Variants in CDH4 observed in about 807,000 individuals in gnomAD.
CDH4 encodes the protein cadherin-4.
In CDH4, 33 loss-of-function variants were observed where a neutral mutation model predicts 86.0. The observed-to-expected ratio is 0.38, with a 90% CI of 0.29 to 0.51. The LOEUF (loss-of-function observed/expected upper bound fraction) is 0.51, where lower values mean the gene tolerates loss of function less well. CDH4 is among the 20% of genes least tolerant of loss of function. CDH4 has a pLI of 0.86. For missense variants in CDH4, 1,114 were observed against 1,307.4 expected (o/e 0.85, Z 2.28); for synonymous variants, 555 against 549.4 (o/e 1.01, Z -0.14).
intron 3 of CDH4, among the ~76,000 whole-genome samples, chr20:61,746,846 A>C (rs1169098334): frequency 6.6e-6 from 1 of 152,240 alleles, no homozygotes; most frequent in Admixed American, 6.5e-5. Context: ...GCCAGGTGGC[A>C]TGGGGGCAGG....
intron 4 of CDH4, among the ~76,000 whole-genome samples, chr20:61,831,412 C>T (rs981045843): frequency 6.6e-6 from 1 of 152,220 alleles, no homozygotes; most frequent in African/African-American, 2.4e-5. Flanking sequence ...CCCCAGGCCT[C>T]TGTTAGCAGA....
intron 2 of CDH4, among the ~76,000 whole-genome samples, chr20:61,538,073 C>T (rs1442637248): frequency 6.6e-6 from 1 of 152,188 alleles, no homozygotes; most frequent in East Asian, 1.9e-4. Flanking sequence ...GCCAGGCCCC[C>T]GGCCTGTGAG....
At chr20:61,311,671 C>T (rs921577495) in intron 2 of CDH4, among the ~76,000 whole-genome samples, 1 of 152,204 alleles carries the variant, frequency 6.6e-6, no homozygotes, top group Admixed American at 6.5e-5. Flanking sequence ...CTGGCCAAGA[C>T]CTATGGGTTG....
At chr20:61,282,824 C>T (rs1419339348) in intron 2 of CDH4, among the ~76,000 whole-genome samples, 12 of 151,624 alleles carry the variant, frequency 7.9e-5, no homozygotes, top group African/African-American at 2.7e-4. Flanking sequence ...GTGGTGTGCA[C>T]GTGTGTGCGT....
chr20:61,630,390 G>A (rs1338333006), intron 2 of CDH4, among the ~76,000 whole-genome samples: 5 of 152,208 alleles, frequency 3.3e-5, no homozygotes, highest in Non-Finnish European at 5.9e-5. Context: ...AGGGAAGGGC[G>A]AAGTGTCAGA....
intron 2 of CDH4, among the ~76,000 whole-genome samples, chr20:61,360,607 A>G (rs28721985): frequency 0.23 from 34,679 of 152,084 alleles, 4,489 homozygotes; most frequent in East Asian, 0.35. Flanking sequence ...ACACACTCAG[A>G]ATGTCACCAC....
At chr20:61,473,720 G>A (rs1003810284) in intron 2 of CDH4, among the ~76,000 whole-genome samples, 6 of 151,950 alleles carry the variant, frequency 3.9e-5, no homozygotes, top group Admixed American at 3.9e-4. Flanking sequence ...GATGAGTGCG[G>A]AATGGCATGC....
intron 2 of CDH4, among the ~76,000 whole-genome samples, chr20:61,413,096 A>G (rs1445712262): frequency 6.6e-6 from 1 of 151,906 alleles, no homozygotes; most frequent in Non-Finnish European, 1.5e-5. Flanking sequence ...CGGTCTTTGC[A>G]TGGTTTTAAA....
At chr20:61,472,497 G>A (rs1351792954) in intron 2 of CDH4, among the ~76,000 whole-genome samples, 1 of 152,096 alleles carries the variant, frequency 6.6e-6, no homozygotes, top group Non-Finnish European at 1.5e-5. Context: ...TTCCTCTGAT[G>A]ATATGTTTCA....
At chr20:61,434,609 G>A (rs2085270450) in intron 2 of CDH4, 1 of 152,214 alleles carries the variant, frequency 6.6e-6, no homozygotes, top group Non-Finnish European at 1.5e-5. Context: ...CTGGGAGCAA[G>A]TACCTGCTTC....
intron 2 of CDH4, among the ~76,000 whole-genome samples, chr20:61,439,436 C>T (rs1206175616): frequency 6.6e-6 from 1 of 152,192 alleles, no homozygotes; most frequent in East Asian, 1.9e-4. Flanking sequence ...TGGCATCATC[C>T]CAAGCCATGA....
At chr20:61,864,117 G>A (rs1983443635) in intron 6 of CDH4, among the ~76,000 whole-genome samples, 1 of 152,270 alleles carries the variant, frequency 6.6e-6, no homozygotes, top group Non-Finnish European at 1.5e-5. Context: ...ACAGGGCAGG[G>A]CCTAAGACGG....
intron 2 of CDH4, among the ~76,000 whole-genome samples, chr20:61,490,560 A>G (rs763024550): frequency 3.3e-5 from 5 of 152,000 alleles, no homozygotes; most frequent in Admixed American, 6.6e-5. Context: ...TTAGCTGGGC[A>G]TAGTGGTGGG....
chr20:61,529,385 T>TTA (rs1212302783), intron 2 of CDH4, among the ~76,000 whole-genome samples: 1 of 152,250 alleles, frequency 6.6e-6, no homozygotes, highest in Non-Finnish European at 1.5e-5. Flanking sequence ...CTCATTATGA[T>TTA]TATATAATCC....
chr20:61,383,798 C>T (rs371057455), intron 2 of CDH4, among the ~76,000 whole-genome samples: 2 of 49,100 alleles, frequency 4.1e-5, no homozygotes, highest in Admixed American at 2.4e-4. Context: ...GATATATATG[C>T]ATATATATGA....
At chr20:61,628,229 A>G (rs2086849947) in intron 2 of CDH4, among the ~76,000 whole-genome samples, 1 of 152,102 alleles carries the variant, frequency 6.6e-6, no homozygotes, top group South Asian at 2.1e-4. Context: ...CGTCGGCCTG[A>G]AAACACACAC....
At chr20:61,382,702 A>T (rs912992354) in intron 2 of CDH4, among the ~76,000 whole-genome samples, 1 of 152,154 alleles carries the variant, frequency 6.6e-6, no homozygotes. Flanking sequence ...CGGCCATGTC[A>T]TTCCAGGCTT....
chr20:61,471,413 C>CT (rs982632851), intron 2 of CDH4, among the ~76,000 whole-genome samples: 7 of 150,464 alleles, frequency 4.7e-5, no homozygotes, highest in Non-Finnish European at 7.4e-5. Flanking sequence ...GGTCTTCTCT[C>CT]TTTTTTTTCT....
At chr20:61,351,800 TC>T (rs1568809278) in intron 2 of CDH4, among the ~76,000 whole-genome samples, 3 of 151,896 alleles carry the variant, frequency 2.0e-5, no homozygotes, top group African/African-American at 7.3e-5. Context: ...CACTGCAACC[TC>T]CGCCTCCCAG....
Sources: allele counts gnomAD v4.1 joint callset (sites outside exome capture counted in the v4.1 genomes callset), GRCh38; gene constraint gnomAD v4.1.1; transcripts MANE v1.5; gene names NCBI Gene and HGNC (gene_info 2026-07-23, HGNC 2026-07-21).